Variants in FHIT observed in about 807,000 individuals in gnomAD.
FHIT encodes the protein fragile histidine triad diadenosine triphosphatase, also known as bis(5'-adenosyl)-triphosphatase.
In FHIT, 19 loss-of-function variants were observed where a neutral mutation model predicts 17.9. The ratio of observed to expected loss-of-function variants is 1.06; its 90% CI spans 0.74 to 1.56. The LOEUF (loss-of-function observed/expected upper bound fraction) is 1.56, where lower values mean the gene tolerates loss of function less well. Among genes scored for constraint, FHIT ranks in the 40% most tolerant of loss-of-function variants. The pLI is 0.00. For synonymous variants in FHIT, 81 were observed against 69.7 expected (o/e 1.16, Z -0.81); for missense variants, 248 against 189.2 (o/e 1.31, Z -1.82).
chr3:60,059,047 G>A (rs75234562), intron 5 of FHIT, among the ~76,000 whole-genome samples: 4,879 of 152,260 alleles, frequency 0.032, 247 homozygotes, highest in African/African-American at 0.11. Flanking sequence ...GTAGTCAGGC[G>A]TGATGGGGCA....
chr3:60,925,585 G>A (rs371867594), intron 3 of FHIT, among the ~76,000 whole-genome samples: 2 of 152,120 alleles, frequency 1.3e-5, no homozygotes, highest in South Asian at 2.1e-4. Context: ...AGGAACAACT[G>A]GTACCAGCCA....
intron 4 of FHIT, among the ~76,000 whole-genome samples, chr3:60,759,482 G>T (rs1699559884): frequency 6.6e-6 from 1 of 152,198 alleles, no homozygotes; most frequent in Admixed American, 6.5e-5. Context: ...CAGTGGATGA[G>T]ATTTTCTAGG....
At chr3:61,189,846 T>C (rs2107204051) in intron 2 of FHIT, among the ~76,000 whole-genome samples, 1 of 152,302 alleles carries the variant, frequency 6.6e-6, no homozygotes, top group Middle Eastern at 3.4e-3. Flanking sequence ...GGATTCCCTA[T>C]TTAATAAATG....
At chr3:60,583,196 CA>C (rs1553660353) in intron 4 of FHIT, among the ~76,000 whole-genome samples, 1 of 151,870 alleles carries the variant, frequency 6.6e-6, no homozygotes, top group African/African-American at 2.4e-5. Flanking sequence ...TATATTTTAA[CA>C]GTTTTCACAA....
At chr3:59,914,301 G>C (rs294455) in intron 8 of FHIT, among the ~76,000 whole-genome samples, 106,293 of 151,900 alleles carry the variant, frequency 0.7, 40,565 homozygotes, top group Non-Finnish European at 0.85. Context: ...CTACCAAATT[G>C]AACATTAATG....
chr3:60,112,942 C>A (rs1043827129), intron 5 of FHIT, among the ~76,000 whole-genome samples: 6 of 152,194 alleles, frequency 3.9e-5, no homozygotes, highest in Non-Finnish European at 2.9e-5. Flanking sequence ...ATACCACTGA[C>A]CATGGAATGC....
chr3:59,980,001 T>C lies in FHIT; in HGVS notation c.279+31370A>G, dbSNP rs545055721. Among the ~76,000 whole-genome samples, 10 of 152,280 alleles carry C rather than the reference T, an allele frequency of 6.6e-5. No homozygotes were observed. In the East Asian group the frequency reaches 1.9e-3, roughly 29 times the overall value. On this transcript the variant is annotated intron_variant, in intron 7 of 9. Coordinates refer to ENST00000492590, the MANE Select transcript of FHIT (RefSeq NM_002012.4). ...CTTAATGTGTCTGACAGATGGCAAA[T>C]ACACCATATTGACTTTTCTTCCTAA...
At chr3:60,731,240 T>C (rs7371970) in intron 4 of FHIT, among the ~76,000 whole-genome samples, 102,672 of 151,796 alleles carry the variant, frequency 0.68, 35,030 homozygotes, top group East Asian at 0.81. Flanking sequence ...GCAGTGAATC[T>C]GTATGGGTCT....
intron 8 of FHIT, among the ~76,000 whole-genome samples, chr3:59,834,562 G>A (rs892775345): frequency 6.6e-6 from 1 of 152,240 alleles, no homozygotes; most frequent in Non-Finnish European, 1.5e-5. Flanking sequence ...GTCAGTTCCT[G>A]GTGAGAACCC....
rs1384449974 is a variant in FHIT, at chr3:61,010,815, A to G, written c.-111+31232T>C. Among the ~76,000 whole-genome samples, 3 of 152,256 alleles carry G rather than the reference A, an allele frequency of 2.0e-5. No individual in the cohort carries two copies. The East Asian group carries it at 5.8e-4, about 29-fold the overall frequency. ...TTTCTCATTGTAGCAGAATTGTGGAAGGAGAAGTAGATAATATCAAGAGTT... is the reference window on the plus strand; with the variant it reads ...TTTCTCATTGTAGCAGAATTGTGGAGGGAGAAGTAGATAATATCAAGAGTT... On this transcript the variant is annotated intron_variant, in intron 3 of 9. Transcript: ENST00000492590.
chr3:60,428,674 C>T lies in FHIT; in HGVS notation c.103+108186G>A, dbSNP rs17063100. 9.3e-3 allele frequency among the ~76,000 whole-genome samples: 1,411 copies of T among 152,176 alleles called. 14 individuals carry two copies. Among genetic ancestry groups the T allele is most frequent in the East Asian group, 0.036 (185 of 5,154 alleles). ...AAGAAGCAAGTGACAGGGGTAAATG[C>T]AATTGGTAGGCTGCATCTTAGCTAA... On this transcript the variant is annotated intron_variant, in intron 5 of 9. Coordinates refer to ENST00000492590, the MANE Select transcript of FHIT (RefSeq NM_002012.4).
intron 5 of FHIT, among the ~76,000 whole-genome samples, chr3:60,238,394 G>T (rs1183844969): frequency 7.4e-6 from 1 of 134,380 alleles, no homozygotes; most frequent in Non-Finnish European, 1.5e-5. Context: ...ATAAAAGAAA[G>T]CCATGGTTTT....
At chr3:59,974,362 T>A (rs185119392) in intron 7 of FHIT, among the ~76,000 whole-genome samples, 1 of 152,204 alleles carries the variant, frequency 6.6e-6, no homozygotes, top group Non-Finnish European at 1.5e-5. Context: ...CTTTAAACAC[T>A]GCTTCTAAAT....
At chr3:60,469,368 A>G (rs1000226793) in intron 5 of FHIT, among the ~76,000 whole-genome samples, 3 of 133,142 alleles carry the variant, frequency 2.3e-5, no homozygotes, top group South Asian at 4.2e-4. Flanking sequence ...GTCTCCTCTG[A>G]CTGTGTATTT....
intron 5 of FHIT, among the ~76,000 whole-genome samples, chr3:60,429,973 G>T (rs572675812): frequency 1.3e-5 from 2 of 151,998 alleles, no homozygotes; most frequent in African/African-American, 4.8e-5. Context: ...GGCAACAGAA[G>T]ACCATGTACC....
chr3:60,736,292 A>G (rs57560924), intron 4 of FHIT, among the ~76,000 whole-genome samples: 9,541 of 152,240 alleles, frequency 0.063, 733 homozygotes, highest in East Asian at 0.42. Context: ...CTAGGTATAT[A>G]CCTCTGAGGA....
At chr3:60,318,711 C>T (rs1709280940) in intron 5 of FHIT, among the ~76,000 whole-genome samples, 1 of 152,182 alleles carries the variant, frequency 6.6e-6, no homozygotes, top group African/African-American at 2.4e-5. Flanking sequence ...AAGTTTCTGA[C>T]TCTCTGCATT....
At chr3:60,265,733 A>G (rs1419523334) in intron 5 of FHIT, among the ~76,000 whole-genome samples, 1 of 151,886 alleles carries the variant, frequency 6.6e-6, no homozygotes, top group Non-Finnish European at 1.5e-5. Flanking sequence ...CTCAATAATA[A>G]ATAGATGATT....
chr3:60,163,879 A>G (rs1701044058), intron 5 of FHIT, among the ~76,000 whole-genome samples: 1 of 152,086 alleles, frequency 6.6e-6, no homozygotes, highest in Non-Finnish European at 1.5e-5. Context: ...CTTTAGAATC[A>G]CTTTCCTTAT....
Sources: allele counts gnomAD v4.1 joint callset (sites outside exome capture counted in the v4.1 genomes callset), GRCh38; gene constraint gnomAD v4.1.1; transcripts MANE v1.5; gene names NCBI Gene and HGNC (gene_info 2026-07-23, HGNC 2026-07-21).